Variants in SLC44A1 observed in about 807,000 individuals in gnomAD.
SLC44A1 encodes choline transporter-like protein 1.
In SLC44A1, 26 loss-of-function variants were observed where a neutral mutation model predicts 79.3. The observed-to-expected ratio is 0.33, with a 90% CI of 0.24 to 0.46. The LOEUF is 0.46. Ranked by LOEUF, SLC44A1 falls within the 20% of genes least tolerant of loss-of-function variation. The probability of loss-of-function intolerance (pLI) is 1.00; values close to 1 mark genes in which losing one functional copy is unlikely to be tolerated. For synonymous variants in SLC44A1, 263 were observed against 286.2 expected (o/e 0.92, Z 0.82); for missense variants, 688 against 798.1 (o/e 0.86, Z 1.66).
At chr9:105,399,129 G>C (rs765168611), downstream of SLC44A1, among the ~76,000 whole-genome samples, 1 of 152,266 alleles carries the variant, frequency 6.6e-6, no homozygotes, top group South Asian at 2.1e-4. Context: ...AATTTGATGT[G>C]CCTCATTTAC....
chr9:105,357,208 T>C (rs904853173), intron 6 of SLC44A1: 2 of 152,220 alleles, frequency 1.3e-5, no homozygotes, highest in African/African-American at 4.8e-5. Flanking sequence ...TTCTGTGATA[T>C]TTGAAAGGCT....
chr9:105,432,615 T>G (rs1829411405), intron 15 of SLC44A1, among the ~76,000 whole-genome samples: 1 of 152,234 alleles, frequency 6.6e-6, no homozygotes, highest in African/African-American at 2.4e-5. Context: ...CCTTTCTTCC[T>G]GTTTACTGGT....
chr9:105,427,477 G>A (rs373449156), intron 15 of SLC44A1, among the ~76,000 whole-genome samples: 163 of 151,656 alleles, frequency 1.1e-3, no homozygotes, highest in African/African-American at 3.6e-3. Flanking sequence ...GTCTCACTAC[G>A]TTGCTCAGGC....
chr9:105,374,662 T>C lies in SLC44A1; in HGVS notation c.1559T>C (p.Val520Ala). Residue 520 changes from valine to alanine, a missense_variant, in exon 13 of 16, where the codon GTC (valine) becomes GCC (alanine). Val to Ala is a moderately conservative substitution (Grantham distance 64, BLOSUM62 0). Transcript: ENST00000374720. ...NFCTSAKDAF[V>A]ILVENALRVA... ...TGCACCTCAGCAAAGGATGCCTTTG[T>C]CATTCTGGTGGAGAATGCTTTGCGA... is the stretch of plus-strand genomic sequence containing the variant. The C allele has an allele frequency of 6.2e-7, 1 of 1,613,684 alleles. No homozygotes were observed. The highest frequency in any genetic ancestry group is 8.5e-7 in the Non-Finnish European group (1 of 1,179,558).
chr9:105,330,817 T>C (rs993820446), intron 3 of SLC44A1, among the ~76,000 whole-genome samples: 5 of 152,242 alleles, frequency 3.3e-5, no homozygotes, highest in Admixed American at 6.5e-5. Context: ...CTGTAATAAA[T>C]ACACATTTAC....
Position 105,390,328 on chromosome 9 carries a change from C to G in SLC44A1, c.*1272C>G. On this transcript the variant is annotated 3_prime_UTR_variant, in exon 16 of 16. Transcript: ENST00000374720. Reference sequence around the variant, plus strand: ...TCATGATCTGTTTATGCGATAACTCCTTTTTGTTACAATTTTTTTAAAAAA... The same window carrying G: ...TCATGATCTGTTTATGCGATAACTCGTTTTTGTTACAATTTTTTTAAAAAA... 1 of 968,326 alleles carries G rather than the reference C, an allele frequency of 1.0e-6. No homozygotes were observed. 60.0% of individuals were successfully genotyped at this position (968,326 alleles called of 1,614,324 possible).
At chr9:105,417,339 C>T (rs935635906) in intron 15 of SLC44A1, among the ~76,000 whole-genome samples, 5 of 152,154 alleles carry the variant, frequency 3.3e-5, no homozygotes, top group South Asian at 2.1e-4. Flanking sequence ...ACTTTGTGGT[C>T]GTACACATGA....
intron 3 of SLC44A1, among the ~76,000 whole-genome samples, chr9:105,324,185 G>C (rs148688835): frequency 6.6e-6 from 1 of 150,706 alleles, no homozygotes; most frequent in African/African-American, 2.4e-5. Context: ...GTATGTGTTA[G>C]CCAGGATGGT....
chr9:105,344,729 A>T (rs1360063484), intron 4 of SLC44A1, among the ~76,000 whole-genome samples: 1 of 152,198 alleles, frequency 6.6e-6, no homozygotes, highest in African/African-American at 2.4e-5. Flanking sequence ...AGACATTTCA[A>T]AGGCATAAGG....
chr9:105,333,676 A>T (rs1313432172), intron 3 of SLC44A1, among the ~76,000 whole-genome samples: 1 of 151,946 alleles, frequency 6.6e-6, no homozygotes, highest in South Asian at 2.1e-4. Flanking sequence ...CGGGTGTGGT[A>T]GTAGGTGCCT....
chr9:105,425,770 C>T (rs1331287541), intron 15 of SLC44A1, among the ~76,000 whole-genome samples: 1 of 152,126 alleles, frequency 6.6e-6, no homozygotes, highest in African/African-American at 2.4e-5. Flanking sequence ...TTGCAGTGAG[C>T]CGAGATCATG....
At chr9:105,421,132 TA>T (rs1486875787) in intron 15 of SLC44A1, among the ~76,000 whole-genome samples, 1 of 152,224 alleles carries the variant, frequency 6.6e-6, no homozygotes, top group Non-Finnish European at 1.5e-5. Flanking sequence ...TTATTTTCCT[TA>T]TAAAACAATA....
At chr9:105,257,014 G>T (rs1179655071) in intron 1 of SLC44A1, among the ~76,000 whole-genome samples, 1 of 152,018 alleles carries the variant, frequency 6.6e-6, no homozygotes, top group Non-Finnish European at 1.5e-5. Flanking sequence ...TCGAACTCCT[G>T]ACCTCAGGTA....
chr9:105,421,154 G>A (rs1337666012), intron 15 of SLC44A1, among the ~76,000 whole-genome samples: 1 of 152,030 alleles, frequency 6.6e-6, no homozygotes, highest in East Asian at 1.9e-4. Context: ...CCTGGAAGTG[G>A]TTCCTCTGGT....
At chr9:105,426,162 C>G (rs1046343283) in intron 15 of SLC44A1, among the ~76,000 whole-genome samples, 2 of 152,056 alleles carry the variant, frequency 1.3e-5, no homozygotes, top group African/African-American at 4.8e-5. Flanking sequence ...CTATATAAAC[C>G]ATTTAATACT....
chr9:105,407,324 C>T (rs1829041227), intron 15 of SLC44A1, among the ~76,000 whole-genome samples: 1 of 152,134 alleles, frequency 6.6e-6, no homozygotes, highest in African/African-American at 2.4e-5. Flanking sequence ...ATCTAAGAAG[C>T]TCGACAAACT....
At chr9:105,349,733 G>A (rs998163772) in intron 5 of SLC44A1, among the ~76,000 whole-genome samples, 1 of 152,156 alleles carries the variant, frequency 6.6e-6, no homozygotes, top group African/African-American at 2.4e-5. Context: ...AACTGGTAAA[G>A]TCTGTTTTAA....
Position 105,389,603 on chromosome 9 carries a change from A to G in SLC44A1, c.*547A>G, listed in dbSNP as rs375365927. 94 of 1,160,022 alleles carry G rather than the reference A, an allele frequency of 8.1e-5. No individual in the cohort carries two copies. The African/African-American group carries it at 1.4e-3, about 17-fold the overall frequency. The allele number at this position is 1,160,022 out of a possible 1,614,324, so 71.9% of individuals were successfully genotyped here. On this transcript the variant is annotated 3_prime_UTR_variant, in exon 16 of 16. Transcript: ENST00000374720. ...AAAGAAGCCATGTCATTTTACTTTT[A>G]GAAACATACAATTGGGCCCAATATG...
At chr9:105,372,929 GA>G (rs1015564120) in intron 12 of SLC44A1, among the ~76,000 whole-genome samples, 34 of 144,484 alleles carry the variant, frequency 2.4e-4, no homozygotes, top group Admixed American at 1.9e-3. Flanking sequence ...CAGCCTGGGC[GA>G]CAGAGCGAGA....
Sources: gnomAD v4.1 joint callset for allele counts (sites outside exome capture counted in the v4.1 genomes callset) on GRCh38, gnomAD v4.1.1 for gene constraint, MANE v1.5 for transcripts, NCBI Gene and HGNC (gene_info 2026-07-23, HGNC 2026-07-21) for gene names.